Variants in AUTS2 observed in about 807,000 individuals in gnomAD.
AUTS2 encodes activator of transcription and developmental regulator AUTS2.
AUTS2 carries 17 observed loss-of-function variants against 112.4 expected under a neutral mutation model. The observed-to-expected ratio is 0.15, with a 90% CI of 0.10 to 0.23. The LOEUF (loss-of-function observed/expected upper bound fraction) is 0.23, where lower values mean the gene tolerates loss of function less well. AUTS2 is among the 10% of genes least tolerant of loss of function. AUTS2 has a pLI of 1.00. For synonymous variants in AUTS2, 751 were observed against 702.7 expected, an observed-to-expected ratio of 1.07 and a Z score of -1.09; for missense variants, 1,510 against 1,701.6, an observed-to-expected ratio of 0.89 and a Z score of 1.98.
chr7:70,317,646 C>G lies in AUTS2; in HGVS notation c.661-118106C>G, dbSNP rs574415962. 7.9e-5 allele frequency among the ~76,000 whole-genome samples: 12 copies of G among 152,238 alleles called. No individual in the cohort carries two copies. The South Asian group carries it at 2.5e-3, about 32-fold the overall frequency. On this transcript the variant is annotated intron_variant, in intron 4 of 18. Coordinates refer to ENST00000342771, the MANE Select transcript of AUTS2 (RefSeq NM_015570.4). The stretch of plus-strand genomic sequence containing the variant: ...AGTGTTTATCAACTGCTTTCCAACC[C>G]TGACAAGCATGAGTGGGCACAAGCA...
rs1484404945 is a variant in AUTS2 at position 70,108,908 on chromosome 7, G to A, written c.523-9224G>A. Among the ~76,000 whole-genome samples the A allele has an allele frequency of 5.9e-5, 9 of 151,494 alleles. No individual in the cohort carries two copies. In the South Asian group the frequency reaches 1.7e-3, roughly 28 times the overall value. On this transcript the variant is annotated intron_variant, in intron 2 of 18. Coordinates refer to ENST00000342771, the MANE Select transcript of AUTS2 (RefSeq NM_015570.4). ...GCTGGGATTGTGAGCCACCATGCCC[G>A]GCCCAAATTGTTCCATTTTTGGTCA...
At chr7:69,743,512 A>G (rs1451117210) in intron 1 of AUTS2, among the ~76,000 whole-genome samples, 1 of 152,132 alleles carries the variant, frequency 6.6e-6, no homozygotes. Context: ...TTTTTTACAT[A>G]CAATAAAGTG....
chr7:70,429,150 GC>G (rs1393893645), intron 4 of AUTS2, among the ~76,000 whole-genome samples: 2 of 152,166 alleles, frequency 1.3e-5, no homozygotes, highest in Non-Finnish European at 2.9e-5. Context: ...GGAATCACCT[GC>G]CTTTTAAATC....
At chr7:70,248,161 A>C (rs758918221) in intron 4 of AUTS2, among the ~76,000 whole-genome samples, 2 of 152,142 alleles carry the variant, frequency 1.3e-5, no homozygotes. Context: ...TCATGAGTCC[A>C]GTTGTCTTGT....
chr7:70,044,079 C>G (rs1049889207), intron 2 of AUTS2, among the ~76,000 whole-genome samples: 8 of 152,040 alleles, frequency 5.3e-5, no homozygotes, highest in African/African-American at 1.9e-4. Flanking sequence ...TTTAGCCAGC[C>G]CTCCCTCCTT....
intron 2 of AUTS2, among the ~76,000 whole-genome samples, chr7:69,950,120 T>C (rs907762299): frequency 2.0e-5 from 3 of 152,094 alleles, no homozygotes; most frequent in Non-Finnish European, 2.9e-5. Flanking sequence ...CTGTTTTTTT[T>C]CTCCTCAAAA....
chr7:70,097,111 T>C (rs1012089278), intron 2 of AUTS2, among the ~76,000 whole-genome samples: 2 of 152,220 alleles, frequency 1.3e-5, no homozygotes, highest in African/African-American at 4.8e-5. Context: ...ATGGTTCAAA[T>C]ACTCATGAAT....
chr7:70,764,442 G>C (rs1789777660), intron 7 of AUTS2, among the ~76,000 whole-genome samples: 1 of 152,158 alleles, frequency 6.6e-6, no homozygotes, highest in Non-Finnish European at 1.5e-5. Flanking sequence ...TTTTCTAGGG[G>C]CATTGATGAG....
intron 4 of AUTS2, among the ~76,000 whole-genome samples, chr7:70,344,124 T>C (rs935011110): frequency 1.3e-5 from 2 of 152,150 alleles, no homozygotes; most frequent in Admixed American, 1.3e-4. Context: ...TAAAATTGTG[T>C]GCCCTAGACA....
At chr7:70,503,516 A>AT (rs5884783) in intron 5 of AUTS2, among the ~76,000 whole-genome samples, 23,127 of 120,034 alleles carry the variant, frequency 0.19, 2,566 homozygotes, top group African/African-American at 0.23. Context: ...CTCCCGTCTC[A>AT]TTTTTTTTTT....
intron 4 of AUTS2, among the ~76,000 whole-genome samples, chr7:70,389,094 G>T (rs1467502229): frequency 6.6e-6 from 1 of 152,106 alleles, no homozygotes; most frequent in East Asian, 1.9e-4. Context: ...TTGCAATTTT[G>T]ACTTTCTTTT....
chr7:69,689,343 ATTT>A (rs530444257), intron 1 of AUTS2, among the ~76,000 whole-genome samples: 6 of 102,496 alleles, frequency 5.9e-5, no homozygotes, highest in African/African-American at 1.1e-4. Context: ...TAATTAATTA[ATTT>A]TTTTTTTTTT....
chr7:69,721,504 T>C (rs1055329761), intron 1 of AUTS2, among the ~76,000 whole-genome samples: 1 of 152,244 alleles, frequency 6.6e-6, no homozygotes, highest in African/African-American at 2.4e-5. Context: ...TCAGTTTCTT[T>C]TGCCCATCAG....
At chr7:70,378,990 T>C (rs368552758) in intron 4 of AUTS2, among the ~76,000 whole-genome samples, 12 of 152,322 alleles carry the variant, frequency 7.9e-5, no homozygotes, top group African/African-American at 2.9e-4. Context: ...TGCCATTTTA[T>C]TCGTATCTCT....
At chr7:69,702,495 T>C (rs745893254) in intron 1 of AUTS2, among the ~76,000 whole-genome samples, 1 of 152,158 alleles carries the variant, frequency 6.6e-6, no homozygotes, top group Admixed American at 6.5e-5. Context: ...ATAGGAGGAC[T>C]TCGTAGTAGT....
rs554282231 is a variant in AUTS2 at position 69,986,321 on chromosome 7, A to C, written c.522+86823A>C. On this transcript the variant is annotated intron_variant, in intron 2 of 18. Coordinates refer to ENST00000342771, the MANE Select transcript of AUTS2 (RefSeq NM_015570.4). ...TGTTGAATGAATGCTTGAATGGCCA[A>C]AACAAGCCCCTGTTATGTGGCAGGA... Among the ~76,000 whole-genome samples, 6 of 152,332 alleles carry C rather than the reference A, an allele frequency of 3.9e-5. No homozygotes were observed. In the South Asian group the frequency reaches 1.2e-3, roughly 32 times the overall value.
At chr7:70,672,284 A>G (rs2129544149) in intron 5 of AUTS2, among the ~76,000 whole-genome samples, 1 of 152,362 alleles carries the variant, frequency 6.6e-6, no homozygotes, top group African/African-American at 2.4e-5. Flanking sequence ...CTTTCTAGAC[A>G]TTGAAGGGAT....
chr7:69,708,979 G>C (rs1798185184), intron 1 of AUTS2, among the ~76,000 whole-genome samples: 1 of 152,196 alleles, frequency 6.6e-6, no homozygotes, highest in African/African-American at 2.4e-5. Flanking sequence ...AAGTAGCTCA[G>C]ACATCCCTGA....
chr7:70,002,531 T>C (rs569794905), intron 2 of AUTS2, among the ~76,000 whole-genome samples: 9 of 152,238 alleles, frequency 5.9e-5, no homozygotes, highest in Admixed American at 3.3e-4. Flanking sequence ...AGGACACATA[T>C]AGATTTTAAC....
Sources: allele counts gnomAD v4.1 joint callset (sites outside exome capture counted in the v4.1 genomes callset), GRCh38; gene constraint gnomAD v4.1.1; transcripts MANE v1.5; gene names NCBI Gene and HGNC (gene_info 2026-07-23, HGNC 2026-07-21).